COL13A1: variants seen among roughly 807,000 people sequenced by gnomAD.
COL13A1 encodes the protein collagen type XIII alpha 1 chain.
In COL13A1, 89 loss-of-function variants were observed where a neutral mutation model predicts 130.9. That is an observed-to-expected ratio of 0.68 (90% CI 0.57 to 0.81). COL13A1 has a LOEUF of 0.81. Among genes scored for constraint, COL13A1 ranks in the 30% least tolerant of loss-of-function variants. The pLI, the probability that COL13A1 is intolerant of heterozygous loss-of-function variation, is 0.00. For missense variants in COL13A1, 879 were observed against 934.6 expected, an observed-to-expected ratio of 0.94 and a Z score of 0.78; for synonymous variants, 402 against 341.6, an observed-to-expected ratio of 1.18 and a Z score of -1.95.
intron 17 of COL13A1, among the ~76,000 whole-genome samples, chr10:69,908,255 C>G (rs1388085985): frequency 6.6e-6 from 1 of 152,234 alleles, no homozygotes; most frequent in Non-Finnish European, 1.5e-5. Context: ...GCCATAACCA[C>G]ATGGCTTTAT....
At chr10:69,804,632 T>C (rs553704136) in intron 1 of COL13A1, among the ~76,000 whole-genome samples, 21 of 145,152 alleles carry the variant, frequency 1.4e-4, no homozygotes, top group African/African-American at 4.3e-4. Context: ...CAATGTTCTT[T>C]GCGCTGTATC....
intron 16 of COL13A1, 116 bp from the exon 17 acceptor site, chr10:69,905,671 G>T: frequency 8.9e-7 from 1 of 1,126,128 alleles, no homozygotes; most frequent in South Asian, 1.3e-5. Context: ...GTGTTGAAGG[G>T]GCAGTGGAAC....
At chr10:69,949,471 C>T (rs1376500561) in intron 38 of COL13A1, among the ~76,000 whole-genome samples, 2 of 152,194 alleles carry the variant, frequency 1.3e-5, no homozygotes, top group African/African-American at 2.4e-5. Flanking sequence ...CATGAGCCAC[C>T]GCACCTGGCC....
Position 69,887,477 on chromosome 10 carries a change from T to C in COL13A1, c.535T>C (p.Phe179Leu), listed in dbSNP as rs747147947. 4 of 1,613,588 alleles carry C rather than the reference T, an allele frequency of 2.5e-6. No homozygotes were observed. The highest frequency in any genetic ancestry group is 3.4e-6 in the Non-Finnish European group (4 of 1,179,804). Residue 179 changes from phenylalanine (F) to leucine (L), a missense_variant, in exon 8 of 41, where the codon TTC becomes CTC. By Grantham distance (22) the Phe-to-Leu change is conservative. Around this residue, in one of 3 missense-constraint regions of COL13A1, gnomAD observed 715 missense variants for 721.0 expected, o/e 0.99. Transcript: ENST00000645393. The part of the protein sequence containing the change: ...GPPGQPGTRG[F>L]PGFPGPIGLD... ...TCAGGGTCAACCAGGAACTAGAGGT[T>C]TCCCTGGATTTCCGGTAAGTGGAGA...
chr10:69,819,382 C>G (rs1230583534), intron 1 of COL13A1, among the ~76,000 whole-genome samples: 1 of 152,124 alleles, frequency 6.6e-6, no homozygotes, highest in East Asian at 1.9e-4. Flanking sequence ...AGATGACTTA[C>G]TTATTTGACT....
chr10:69,860,206 GC>G (rs1024163840), intron 2 of COL13A1, among the ~76,000 whole-genome samples: 2 of 152,224 alleles, frequency 1.3e-5, no homozygotes, highest in African/African-American at 4.8e-5. Context: ...AGCTGCCACA[GC>G]CCCCAGCCTC....
At chr10:69,857,373 T>C (rs557970383) in intron 2 of COL13A1, among the ~76,000 whole-genome samples, 1 of 152,288 alleles carries the variant, frequency 6.6e-6, no homozygotes, top group African/African-American at 2.4e-5. Flanking sequence ...TTTTAAGGGC[T>C]CATCTGAGAG....
At chr10:69,904,064 A>T (rs947802319) in intron 15 of COL13A1, among the ~76,000 whole-genome samples, 4 of 152,184 alleles carry the variant, frequency 2.6e-5, no homozygotes, top group African/African-American at 9.7e-5. Context: ...ATTTCGCCCC[A>T]GCACCCCAGA....
intron 3 of COL13A1, 140 bp downstream of exon 3, chr10:69,867,945 A>G (rs1009571452): frequency 1.6e-6 from 1 of 642,950 alleles, no homozygotes; most frequent in Non-Finnish European, 2.9e-6. Context: ...GGGTCCCTCC[A>G]GAATGCCTCT....
chr10:69,847,321 G>A (rs1006296999), intron 2 of COL13A1, among the ~76,000 whole-genome samples: 3 of 152,118 alleles, frequency 2.0e-5, no homozygotes, highest in African/African-American at 7.2e-5. Flanking sequence ...GCTGTTGACC[G>A]CCATACCATT....
intron 17 of COL13A1, among the ~76,000 whole-genome samples, chr10:69,907,474 G>A (rs977637260): frequency 5.3e-5 from 8 of 152,204 alleles, no homozygotes; most frequent in African/African-American, 1.9e-4. Context: ...GGGCAGGAGA[G>A]GGCGAGAGAA....
intron 17 of COL13A1, among the ~76,000 whole-genome samples, chr10:69,912,076 G>T (rs2063442972): frequency 6.6e-6 from 1 of 152,018 alleles, no homozygotes; most frequent in Admixed American, 6.6e-5. Context: ...TTAAAGATAA[G>T]AAAACTAAGA....
chr10:69,841,152 C>T (rs1851501652), intron 2 of COL13A1, among the ~76,000 whole-genome samples: 2 of 152,008 alleles, frequency 1.3e-5, no homozygotes, highest in African/African-American at 4.8e-5. Context: ...GCCTCTGCCC[C>T]TGCTCTTCCC....
chr10:69,906,723 TTTTTTG>T (rs976524069), intron 17 of COL13A1, among the ~76,000 whole-genome samples: 3 of 151,934 alleles, frequency 2.0e-5, no homozygotes, highest in Admixed American at 6.6e-5. Context: ...TGTTTGTTTG[TTTTTTG>T]TTTTTGTTTT....
Position 69,930,511 on chromosome 10 carries a change from G to A in COL13A1, c.1642G>A (p.Glu548Lys). ...AAACGGGCACCCAGGGAGCCCAGGA[G>A]AGAAGGGGGAAAAAGGGGAGACAGG... ...GENGHPGSPG[E>K]KGEKGETGQA... Residue 548 changes from glutamate (E) to lysine (K), a missense_variant, in exon 30 of 41, where the codon GAG becomes AAG. Glu to Lys is a moderately conservative substitution (Grantham distance 56). Around this residue, in one of 3 missense-constraint regions of COL13A1, gnomAD observed 715 missense variants for 721.0 expected, o/e 0.99. Transcript: ENST00000645393. The A allele has an allele frequency of 1.2e-6, 2 of 1,613,868 alleles. No homozygotes were observed. The highest frequency in any genetic ancestry group is 1.7e-6 in the Non-Finnish European group (2 of 1,179,844).
At chr10:69,916,255 T>C (rs931659574) in intron 17 of COL13A1, among the ~76,000 whole-genome samples, 2 of 152,200 alleles carry the variant, frequency 1.3e-5, no homozygotes, top group African/African-American at 4.8e-5. Context: ...TCACACCCAA[T>C]GGGGCAGCTG....
At chr10:69,915,604 T>C (rs1488458661) in intron 17 of COL13A1, among the ~76,000 whole-genome samples, 3 of 152,116 alleles carry the variant, frequency 2.0e-5, no homozygotes, top group South Asian at 2.1e-4. Context: ...AAAAGCTTCA[T>C]AGAAGAGATA....
At position 69,873,714 on chromosome 10, in the gene COL13A1, G is replaced by A. The variant is rs150302838; in HGVS notation, c.400-1414G>A. 1.0e-3 allele frequency among the ~76,000 whole-genome samples: 153 copies of A among 152,360 alleles called. 2 individuals are homozygous for A. The highest frequency in any genetic ancestry group is 3.4e-3 in the African/African-American group (141 of 41,574). ...CACAGCCGACCACCCGCCCTGGCCT[G>A]GGGTCCTTCGCAGGCAGAGCCAATT... On this transcript the variant is annotated intron_variant, in intron 4 of 40. Transcript: ENST00000645393.
Position 69,921,428 on chromosome 10 carries a change from C to T in COL13A1, c.1090-454C>T, listed in dbSNP as rs145413187. Among the ~76,000 whole-genome samples the T allele has an allele frequency of 2.1e-3, 317 of 152,292 alleles. 2 individuals carry two copies. The highest frequency in any genetic ancestry group is 6.7e-3 in the African/African-American group (280 of 41,568). On this transcript the variant is annotated intron_variant, in intron 21 of 40. Coordinates refer to ENST00000645393, the MANE Select transcript of COL13A1 (RefSeq NM_001368882.1). ...AAGGTGAGCTGGTTATAGCTAGAGG[C>T]GGAGAAGGGGGTGCCAGAAAAGACT... is the stretch of plus-strand genomic sequence containing the variant.
Sources: allele counts gnomAD v4.1 joint callset (sites outside exome capture counted in the v4.1 genomes callset), GRCh38; gene constraint gnomAD v4.1.1; regional missense constraint gnomAD v4.1.1; transcripts MANE v1.5; gene names NCBI Gene and HGNC (gene_info 2026-07-23, HGNC 2026-07-21).